UNK: variants seen among roughly 807,000 people sequenced by gnomAD.
The protein encoded by UNK is unk zinc finger.
UNK carries 32 observed loss-of-function variants against 97.6 expected under a neutral mutation model. That is an observed-to-expected ratio of 0.33 (90% CI 0.25 to 0.44). The LOEUF (loss-of-function observed/expected upper bound fraction) is 0.44. UNK is among the 20% of genes least tolerant of loss of function. UNK has a pLI of 1.00. For synonymous variants in UNK, 441 were observed against 461.2 expected (o/e 0.96, Z 0.56); for missense variants, 771 against 1,098.4 (o/e 0.70, Z 4.21).
chr17:75,785,013 G>T, intron 1 of UNK, 29 bp downstream of exon 1: 1 of 1,338,382 alleles, frequency 7.5e-7, no homozygotes, highest in Admixed American at 4.1e-5. Context: ...CCCCCGCCGC[G>T]CGCGCACGCC....
rs2062024612 is a variant in UNK at position 75,817,207 on chromosome 17, T to C, written c.1105-119T>C. On this transcript the variant is annotated intron_variant, in intron 8 of 15. Transcript: ENST00000589666. The surrounding 1 kb of genome is among the most constrained non-coding windows in gnomAD (Gnocchi z 5.8). ...CTCCCCGAGTGGTCACTGCTGCTCG[T>C]TGGCAGATGAAAGTGGAACTGAGCC... 3.3e-6 allele frequency: 4 copies of C among 1,206,908 alleles called. No individual in the cohort carries two copies. The highest frequency in any genetic ancestry group is 3.4e-6 in the Non-Finnish European group (3 of 875,396). The allele number at this position is 1,206,908 out of a possible 1,614,324, so 74.8% of individuals were successfully genotyped here.
rs770452570 is a variant in UNK at position 75,815,192 on chromosome 17, C to T, written c.900C>T (p.Asn300=). The change falls in exon 7 of 16, where the codon AAC becomes AAT. Residue 300 remains asparagine (N), a synonymous_variant. Coordinates refer to ENST00000589666, the MANE Select transcript of UNK (RefSeq NM_001080419.3). ...AGATCTACAAGTCCACCAAGTGCAACGACATGCAGCAGTCGGGCAGCTGTC... is the reference window on the plus strand; with the variant it reads ...AGATCTACAAGTCCACCAAGTGCAATGACATGCAGCAGTCGGGCAGCTGTC... ...HPEIYKSTKC[N]DMQQSGSCPR... The T allele has an allele frequency of 1.1e-5, 18 of 1,613,262 alleles. No individual in the cohort carries two copies. The highest frequency in any genetic ancestry group is 1.5e-5 in the Non-Finnish European group (18 of 1,179,700).
rs781118270 is a variant in UNK at position 75,819,042 on chromosome 17, C to T, written c.1546+226C>T. The T allele has an allele frequency of 1.2e-5, 6 of 488,802 alleles. No homozygotes were observed. The South Asian group carries it at 1.9e-4, about 16-fold the overall frequency. The allele number at this position is 488,802 out of a possible 1,614,324, so 30.3% of individuals were successfully genotyped here. ...CCTTTGTGCAAATTAGAAAGAGGTG[C>T]CTTTTCCCCTTGGTGAGTACAGTCT... is the stretch of plus-strand genomic sequence containing the variant. On this transcript the variant is annotated intron_variant, in intron 11 of 15. Transcript: ENST00000589666. This position sits in a 1 kb window ranked among gnomAD's most constrained non-coding sequence, Gnocchi z 5.4.
intron 2 of UNK, 77 bp from the exon 3 acceptor site, chr17:75,812,035 G>A: frequency 6.9e-7 from 1 of 1,450,530 alleles, no homozygotes. Flanking sequence ...AAAACAGTTG[G>A]GGTAAGGGCA....
At chr17:75,811,166 G>A (rs373558701) in intron 2 of UNK, among the ~76,000 whole-genome samples, 4 of 151,998 alleles carry the variant, frequency 2.6e-5, no homozygotes, top group African/African-American at 9.7e-5. Context: ...GTCCAAGCTG[G>A]TCTCAAACTC....
At chr17:75,792,606 A>C (rs1268802530) in intron 1 of UNK, 9 of 501,136 alleles carry the variant, frequency 1.8e-5, no homozygotes, top group Non-Finnish European at 2.3e-5. Flanking sequence ...CATATAGATA[A>C]CTCTATAGAT....
intron 6 of UNK, 70 bp from the exon 7 acceptor site, chr17:75,815,099 T>C: frequency 6.9e-7 from 1 of 1,445,302 alleles, no homozygotes; most frequent in Admixed American, 1.8e-5. Context: ...GCACTCATGC[T>C]GGAGGAAGGG....
Position 75,819,881 on chromosome 17 carries a change from G to C in UNK, c.1649-39G>C. ...CTGTGTGGCCCGCCTGGCTTCCGCT[G>C]CCCTCACCCAGCCCGTCCTCCCCGG... On this transcript the variant is annotated intron_variant, in intron 12 of 15. Coordinates refer to ENST00000589666, the MANE Select transcript of UNK (RefSeq NM_001080419.3). The surrounding 1 kb of genome is among the most constrained non-coding windows in gnomAD (Gnocchi z 5.4). 1 of 1,601,992 alleles carries C rather than the reference G, an allele frequency of 6.2e-7. No homozygotes were observed. Among genetic ancestry groups the C allele is most frequent in the Non-Finnish European group, 8.5e-7 (1 of 1,173,654 alleles).
At position 75,819,957 on chromosome 17, in the gene UNK, C is replaced by T. The variant is rs2062051952; in HGVS notation, c.1686C>T (p.Ile562=). 2 of 1,612,388 alleles carry T rather than the reference C, an allele frequency of 1.2e-6. No individual in the cohort carries two copies. Among genetic ancestry groups the T allele is most frequent in the Admixed American group, 3.3e-5 (2 of 59,894 alleles). ...SLLQSSAPVN[I]PGSLGSSASF... is the part of the protein sequence containing the mutation. ...TGCAGAGCTCTGCACCCGTGAACAT[C>T]CCCGGCTCCTTGGGCAGCTCTGCCT... Residue 562 remains isoleucine (I), a synonymous_variant, in exon 13 of 16, where the codon ATC becomes ATT. Coordinates refer to ENST00000589666, the MANE Select transcript of UNK (RefSeq NM_001080419.3). The surrounding 1 kb of genome is among the most constrained non-coding windows in gnomAD (Gnocchi z 5.4).
chr17:75,797,688 C>T (rs906468896), intron 1 of UNK, among the ~76,000 whole-genome samples: 2 of 152,156 alleles, frequency 1.3e-5, no homozygotes, highest in Admixed American at 1.3e-4. Context: ...ACTAAGTGGC[C>T]AGGAGAGCAG....
chr17:75,819,053 T>C lies in UNK; in HGVS notation c.1546+237T>C, dbSNP rs1168761981. ...ATTAGAAAGAGGTGCCTTTTCCCCT[T>C]GGTGAGTACAGTCTCACCCCAAGAC... On this transcript the variant is annotated intron_variant, in intron 11 of 15. Transcript: ENST00000589666. This position sits in a 1 kb window ranked among gnomAD's most constrained non-coding sequence, Gnocchi z 5.4. 8.4e-6 allele frequency: 4 copies of C among 474,248 alleles called. No individual in the cohort carries two copies. The South Asian group carries it at 1.5e-4, about 18-fold the overall frequency. 29.4% of individuals were successfully genotyped at this position (474,248 alleles called of 1,614,324 possible).
chr17:75,787,219 C>G (rs1257987049), intron 1 of UNK, among the ~76,000 whole-genome samples: 1 of 151,878 alleles, frequency 6.6e-6, no homozygotes, highest in South Asian at 2.1e-4. Flanking sequence ...TCTGATTTTT[C>G]TTTTTCTTTT....
intron 13 of UNK, 57 bp downstream of exon 13, chr17:75,820,165 A>C: frequency 1.9e-6 from 3 of 1,544,362 alleles, no homozygotes; most frequent in South Asian, 2.5e-5. Context: ...CGCCTTTAGG[A>C]GGTGCCTCTG....
chr17:75,784,906 G>A lies in UNK; in HGVS notation c.26G>A (p.Gly9Asp). The change falls in exon 1 of 16, where the codon GGC (glycine) becomes GAC (aspartate). Residue 9 changes from glycine (G) to aspartate (D), a missense_variant. Physicochemically the swap from Gly to Asp is moderately conservative, Grantham distance 94. Transcript: ENST00000589666. ...ATGTCGAAGGGCCCCGGGCCCGGCGGCTCCGCAGCTTCCTCGGCGCCCCCG... is the reference window on the plus strand; with the variant it reads ...ATGTCGAAGGGCCCCGGGCCCGGCGACTCCGCAGCTTCCTCGGCGCCCCCG... MSKGPGPGGSAASSAPPAA... is the reference protein window; with the variant it reads MSKGPGPGDSAASSAPPAA... The A allele has an allele frequency of 1.3e-6, 2 of 1,572,642 alleles. No individual in the cohort carries two copies. Among genetic ancestry groups the A allele is most frequent in the South Asian group, 1.2e-5 (1 of 86,874 alleles).
At chr17:75,813,476 A>T (rs745489426) in intron 5 of UNK, among the ~76,000 whole-genome samples, 1 of 152,218 alleles carries the variant, frequency 6.6e-6, no homozygotes, top group Non-Finnish European at 1.5e-5. Context: ...GTGTTGAATG[A>T]GGACCAGGCC....
chr17:75,821,619 C>G (rs753562524), intron 13 of UNK: 1 of 456,628 alleles, frequency 2.2e-6, no homozygotes, highest in East Asian at 7.0e-5. Flanking sequence ...GAGAGCAAAG[C>G]GTCTTAAATC....
chr17:75,824,230 G>C lies in UNK; in HGVS notation c.2278-32G>C. ...TCGCTCAACTTGGGGCCAGACCCAT[G>C]GATGGTGACCACGATGCCCCTTTCC... On this transcript the variant is annotated intron_variant, in intron 15 of 15. Coordinates refer to ENST00000589666, the MANE Select transcript of UNK (RefSeq NM_001080419.3). This position sits in a 1 kb window ranked among gnomAD's most constrained non-coding sequence, Gnocchi z 4.9. The C allele has an allele frequency of 1.3e-6, 2 of 1,560,606 alleles. No homozygotes were observed. The highest frequency in any genetic ancestry group is 1.7e-6 in the Non-Finnish European group (2 of 1,149,832).
In UNK at chr17:75,824,520, A is replaced by ATG. The variant is rs140311266; in HGVS notation, c.*104_*105insGT. On this transcript the variant is annotated 3_prime_UTR_variant, in exon 16 of 16. Transcript: ENST00000589666. The surrounding 1 kb of genome is among the most constrained non-coding windows in gnomAD (Gnocchi z 4.9). ...TATATATATGTGTATGTATGTATGT[A>ATG]TATGTATATGATTATGTATATGTAT... is the stretch of plus-strand genomic sequence containing the variant. The ATG allele has an allele frequency of 0.1, 88,805 of 855,034 alleles. 5,968 individuals are homozygous for ATG. Among genetic ancestry groups the ATG allele is most frequent in the South Asian group, 0.14 (2,413 of 17,012 alleles). 53.0% of individuals were successfully genotyped at this position (855,034 alleles called of 1,614,324 possible). A position where few individuals can be genotyped will look rare whatever the true frequency, so the allele number is the denominator to read the frequency against.
At position 75,824,472 on chromosome 17, in the gene UNK, G is replaced by GTATATA. The variant is rs993389744; in HGVS notation, c.*65_*70dup. On this transcript the variant is annotated 3_prime_UTR_variant, in exon 16 of 16. Transcript: ENST00000589666. This position sits in a 1 kb window ranked among gnomAD's most constrained non-coding sequence, Gnocchi z 4.9. ...ATCTTCTCACCTAGGACTTTTTAAAGTATATATATATATATGAATATATAT... is the reference window on the plus strand; with the variant it reads ...ATCTTCTCACCTAGGACTTTTTAAAGTATATATATATATATATATATGAATATATAT... 1 of 1,106,128 alleles carries GTATATA rather than the reference G, an allele frequency of 9.0e-7. No homozygotes were observed. Among genetic ancestry groups the GTATATA allele is most frequent in the African/African-American group, 1.7e-5 (1 of 59,914 alleles). The allele number at this position is 1,106,128 out of a possible 1,614,324, so 68.5% of individuals were successfully genotyped here.
Sources: gnomAD v4.1 joint callset for allele counts (sites outside exome capture counted in the v4.1 genomes callset) on GRCh38, gnomAD v4.1.1 for gene constraint, Gnocchi (gnomAD v3.1) non-coding constraint, MANE v1.5 for transcripts, NCBI Gene and HGNC (gene_info 2026-07-23, HGNC 2026-07-21) for gene names.